CCDC191: variants seen among roughly 807,000 people sequenced by gnomAD.
The protein encoded by CCDC191 is coiled-coil domain-containing protein 191.
Under a neutral mutation model 114.0 loss-of-function variants are expected in CCDC191, and 99 were observed. That is an observed-to-expected ratio of 0.87 (90% CI 0.74 to 1.03). The LOEUF (loss-of-function observed/expected upper bound fraction) is 1.03, where lower values mean the gene tolerates loss of function less well. Among genes scored for constraint, CCDC191 ranks in the 50% least tolerant of loss-of-function variants. CCDC191 has a pLI of 0.00. For missense variants in CCDC191, 973 were observed against 1,087.0 expected (o/e 0.90, Z 1.47); for synonymous variants, 351 against 376.0 (o/e 0.93, Z 0.77).
At chr3:113,979,649 T>C (rs1336464503) in intron 14 of CCDC191, among the ~76,000 whole-genome samples, 3 of 152,206 alleles carry the variant, frequency 2.0e-5, no homozygotes, top group African/African-American at 7.2e-5. Flanking sequence ...TAGTCCTCTC[T>C]AAACAGCGAC....
intron 7 of CCDC191, among the ~76,000 whole-genome samples, chr3:114,024,306 T>C (rs1369229568): frequency 6.6e-6 from 1 of 152,170 alleles, no homozygotes; most frequent in Non-Finnish European, 1.5e-5. Flanking sequence ...TCCTCAGGGA[T>C]CTAGAACTAG....
At chr3:114,034,629 A>T (rs1348278710) in intron 6 of CCDC191, among the ~76,000 whole-genome samples, 2 of 152,186 alleles carry the variant, frequency 1.3e-5, no homozygotes, top group Non-Finnish European at 2.9e-5. Context: ...AAATTATGGT[A>T]TAGGAACTCA....
In CCDC191 at chr3:113,981,109, G is replaced by C. The variant is rs543865195; in HGVS notation, c.2164-316C>G. 3.3e-5 allele frequency among the ~76,000 whole-genome samples: 5 copies of C among 152,138 alleles called. No homozygotes were observed. The South Asian group carries it at 1.0e-3, about 32-fold the overall frequency. On this transcript the variant is annotated intron_variant, in intron 13 of 16. Coordinates refer to ENST00000295878, the MANE Select transcript of CCDC191 (RefSeq NM_020817.2). ...AACATCTAGTTAGGAGAGCAATCAG[G>C]ATTTTCCCCCTCATTATATGAAAAA...
chr3:114,001,349 G>A (rs941452911), intron 13 of CCDC191, among the ~76,000 whole-genome samples: 17 of 152,272 alleles, frequency 1.1e-4, no homozygotes, highest in Non-Finnish European at 2.4e-4. Context: ...CACAAAGGGG[G>A]ACCCAACCTA....
At chr3:113,979,907 A>C (rs1559877489) in intron 14 of CCDC191, among the ~76,000 whole-genome samples, 1 of 152,204 alleles carries the variant, frequency 6.6e-6, no homozygotes, top group Non-Finnish European at 1.5e-5. Context: ...AAATTTTAGA[A>C]ATTTCTGCGG....
intron 4 of CCDC191, among the ~76,000 whole-genome samples, chr3:114,042,150 C>T (rs1296394690): frequency 6.6e-6 from 1 of 152,148 alleles, no homozygotes; most frequent in African/African-American, 2.4e-5. Context: ...CACTCTGAAA[C>T]AGCATTAATT....
At chr3:114,050,002 TG>T in intron 2 of CCDC191, among the ~76,000 whole-genome samples, 1 of 152,256 alleles carries the variant, frequency 6.6e-6, no homozygotes, top group East Asian at 1.9e-4. Flanking sequence ...TTTTTTTGTT[TG>T]TTTTTGGTTT....
chr3:114,026,798 G>A (rs1313328458), intron 7 of CCDC191, among the ~76,000 whole-genome samples: 5 of 151,956 alleles, frequency 3.3e-5, no homozygotes, highest in Admixed American at 1.3e-4. Context: ...TGATTTCTTT[G>A]GATCATTATT....
chr3:113,966,834 C>T (rs772355032), intron 16 of CCDC191, among the ~76,000 whole-genome samples: 16 of 152,018 alleles, frequency 1.1e-4, no homozygotes, highest in Admixed American at 5.9e-4. Flanking sequence ...TGCGGTGGGT[C>T]ACACCTGTAA....
At chr3:114,054,703 TCTGA>T (rs1410230823) in intron 1 of CCDC191, among the ~76,000 whole-genome samples, 14 of 151,996 alleles carry the variant, frequency 9.2e-5, no homozygotes, top group Non-Finnish European at 1.9e-4. Flanking sequence ...GGTTAATCAA[TCTGA>T]CTTTTACTGT....
Position 113,980,654 on chromosome 3 carries a change from ATGT to A in CCDC191, c.2300_2302del (p.Asn767del). 6.3e-7 allele frequency: 1 copy of A among 1,588,568 alleles called. No individual in the cohort carries two copies. The highest frequency in any genetic ancestry group is 1.7e-4 in the Middle Eastern group (1 of 5,984). ...GATAACAGTGGGACAGTGTACCTGG[ATGT>A]TTTGTTTGCTTTGCATTCTCAATCT... is the stretch of plus-strand genomic sequence containing the variant. On this transcript the variant is annotated inframe_deletion, in exon 14 of 17. Transcript: ENST00000295878.
At chr3:113,988,082 A>T (rs1157591344) in intron 13 of CCDC191, among the ~76,000 whole-genome samples, 2 of 151,946 alleles carry the variant, frequency 1.3e-5, no homozygotes, top group Non-Finnish European at 1.5e-5. Flanking sequence ...TAAAAACTCC[A>T]AAAAAACACA....
At chr3:114,050,574 GGCCTCTCAGAGAGGAGGA>G in intron 2 of CCDC191, among the ~76,000 whole-genome samples, 1 of 152,202 alleles carries the variant, frequency 6.6e-6, no homozygotes, top group Non-Finnish European at 1.5e-5. Context: ...GATCTGGATT[GGCCTCTCAGAGAGGAGGA>G]GTATTCCAGG....
intron 9 of CCDC191, among the ~76,000 whole-genome samples, chr3:114,009,180 G>C (rs1230021821): frequency 3.3e-5 from 5 of 152,114 alleles, no homozygotes; most frequent in Non-Finnish European, 5.9e-5. Context: ...TGAAGGCCTA[G>C]GACATTATTA....
intron 5 of CCDC191, 71 bp downstream of exon 5, chr3:114,036,537 T>G: frequency 9.0e-7 from 1 of 1,111,208 alleles, no homozygotes; most frequent in Non-Finnish European, 1.2e-6. Flanking sequence ...ATGTCTTTAT[T>G]TAAGCTTATT....
chr3:113,988,694 C>T (rs997768085), intron 13 of CCDC191, among the ~76,000 whole-genome samples: 2 of 149,306 alleles, frequency 1.3e-5, no homozygotes, highest in Admixed American at 6.7e-5. Flanking sequence ...AGTTAATGGG[C>T]TAAACATAAT....
intron 16 of CCDC191, among the ~76,000 whole-genome samples, chr3:113,972,937 T>C (rs952141718): frequency 6.6e-6 from 1 of 152,178 alleles, no homozygotes; most frequent in African/African-American, 2.4e-5. Context: ...TTTCAGTCTA[T>C]GTATGTCTTT....
rs562548722 is a variant in CCDC191 at position 114,001,658 on chromosome 3, C to T, written c.2100G>A (p.Arg700=). Residue 700 remains arginine, a synonymous_variant, in exon 13 of 17, where the codon AGG becomes AGA. Coordinates refer to ENST00000295878, the MANE Select transcript of CCDC191 (RefSeq NM_020817.2). ...GCTGTGCCTCCTTTTCTTCTGCCTC[C>T]CTTTTCTGACGTTCCTCCTCTTGGG... ...LKAQEEERQK[R]EAEEKEAQLE... is the part of the protein sequence containing the mutation. The T allele has an allele frequency of 2.5e-6, 4 of 1,613,952 alleles. No homozygotes were observed. The South Asian group carries it at 3.3e-5, about 13-fold the overall frequency.
chr3:114,001,528 A>G (rs1398481500), intron 13 of CCDC191, 67 bp downstream of exon 13: 1 of 1,570,252 alleles, frequency 6.4e-7, no homozygotes, highest in East Asian at 2.3e-5. Context: ...AAGAAGGTGG[A>G]TAGGGCCACA....
Sources: allele counts gnomAD v4.1 joint callset (sites outside exome capture counted in the v4.1 genomes callset), GRCh38; gene constraint gnomAD v4.1.1; transcripts MANE v1.5; gene names NCBI Gene and HGNC (gene_info 2026-07-23, HGNC 2026-07-21).